Variants in PRAMEF15 observed in about 807,000 individuals in gnomAD.
PRAMEF15 encodes PRAME family member 9/15.
PRAMEF15 carries 21 observed loss-of-function variants against 35.3 expected under a neutral mutation model. That is an observed-to-expected ratio of 0.59 (90% confidence interval 0.42 to 0.86). The LOEUF (loss-of-function observed/expected upper bound fraction) is 0.86, where lower values mean the gene tolerates loss of function less well. PRAMEF15 is among the 40% of genes least tolerant of loss of function. PRAMEF15 has a pLI of 0.00. For missense variants in PRAMEF15, 360 were observed against 574.1 expected, an observed-to-expected ratio of 0.63 and a Z score of 3.81; for synonymous variants, 122 against 223.3, an observed-to-expected ratio of 0.55 and a Z score of 4.05.
In PRAMEF15 at chr1:13,321,641, C is replaced by T; in HGVS notation, c.876-62C>T. On this transcript the variant is annotated intron_variant, in intron 3 of 3. Transcript: ENST00000376152. ...TCCATCCATTACCTTGAAGCCATTC[C>T]CCACCACCCTCCACTCACCCCTATG... 5 of 1,570,368 alleles carry T rather than the reference C, an allele frequency of 3.2e-6. No individual in the cohort carries two copies. The South Asian group carries it at 4.5e-5, about 14-fold the overall frequency.
intron 1 of PRAMEF15, 145 bp downstream of exon 1, chr1:13,315,803 T>G: frequency 6.6e-6 from 1 of 151,474 alleles, no homozygotes. Context: ...GCTTTGAATT[T>G]TTTCCTCTAA....
chr1:13,321,993 G>T lies in PRAMEF15; in HGVS notation c.1166G>T (p.Gly389Val), dbSNP rs1277953363. 1.2e-6 allele frequency: 2 copies of T among 1,609,922 alleles called. No individual in the cohort carries two copies. The highest frequency in any genetic ancestry group is 2.7e-5 in the African/African-American group (2 of 74,644). The change falls in exon 4 of 4, where the codon GGA becomes GTA. Residue 389 changes from glycine to valine, a missense_variant. Gly to Val is a moderately radical substitution (Grantham distance 109, BLOSUM62 -3). This residue lies in a region of PRAMEF15 where 147 missense variants were observed against 123.5 expected (regional missense o/e 1.19). Transcript: ENST00000376152. Reference sequence around the variant, plus strand: ...GAGCTCAACACCTTCAGCTTCTGTGGAAATCCCATCTGCATGGCCACCCTG... The same window carrying T: ...GAGCTCAACACCTTCAGCTTCTGTGTAAATCCCATCTGCATGGCCACCCTG... ...CFELNTFSFC[G>V]NPICMATLEN...
intron 3 of PRAMEF15, among the ~76,000 whole-genome samples, chr1:13,320,273 A>C (rs1322339063): frequency 3.3e-5 from 5 of 152,168 alleles, no homozygotes; most frequent in African/African-American, 1.2e-4. Context: ...GATGATGAAA[A>C]ATACACCAGG....
chr1:13,320,518 G>A lies in PRAMEF15; in HGVS notation c.875+565G>A, dbSNP rs1239277110. ...AGCTCGCAGCGACTTCTGCCTCCCA[G>A]GTTCATGCGATTCTCCTGTCTCAGC... On this transcript the variant is annotated intron_variant, in intron 3 of 3. Coordinates refer to ENST00000376152, the MANE Select transcript of PRAMEF15 (RefSeq NM_001098376.3). Among the ~76,000 whole-genome samples the A allele has an allele frequency of 6.0e-3, 907 of 152,138 alleles. 2 individuals carry two copies. The East Asian group carries it at 0.12, about 21-fold the overall frequency.
chr1:13,316,150 T>C (rs1639999706), intron 1 of PRAMEF15, among the ~76,000 whole-genome samples: 2 of 151,536 alleles, frequency 1.3e-5, no homozygotes, highest in African/African-American at 4.9e-5. Context: ...GTCACAGACA[T>C]CTGAAACCAT....
rs1245402290 is a variant in PRAMEF15 at position 13,316,020 on chromosome 1, G to A, written c.-17+362G>A. Among the ~76,000 whole-genome samples the A allele has an allele frequency of 1.5e-4, 23 of 150,596 alleles. 1 individual carries two copies. Among genetic ancestry groups the A allele is most frequent in the African/African-American group, 5.7e-4 (23 of 40,676 alleles). On this transcript the variant is annotated intron_variant, in intron 1 of 3. Coordinates refer to ENST00000376152, the MANE Select transcript of PRAMEF15 (RefSeq NM_001098376.3). ...GCACAACGTTTTTTTTGGGGGTGGG[G>A]ATGGAGTCTCACTGTGTTGCCCAGA...
Sources: gnomAD v4.1 joint callset for allele counts (sites outside exome capture counted in the v4.1 genomes callset) on GRCh38, gnomAD v4.1.1 for gene constraint, gnomAD v4.1.1 regional missense constraint, MANE v1.5 for transcripts, NCBI Gene and HGNC (gene_info 2026-07-23, HGNC 2026-07-21) for gene names.